Variants in CABLES1 observed in about 807,000 individuals in gnomAD.
CABLES1 encodes Cdk5 and Abl enzyme substrate 1.
Under a neutral mutation model 57.8 loss-of-function variants are expected in CABLES1, and 36 were observed. The ratio of observed to expected loss-of-function variants is 0.62; its 90% confidence interval spans 0.48 to 0.82. The LOEUF is 0.82. CABLES1 is among the 40% of genes least tolerant of loss of function. The probability of loss-of-function intolerance (pLI) is 0.00; values close to 1 mark genes in which losing one functional copy is unlikely to be tolerated. For synonymous variants in CABLES1, 374 were observed against 363.0 expected (o/e 1.03, Z -0.35); for missense variants, 767 against 836.6 (o/e 0.92, Z 1.03).
chr18:23,160,140 C>T (rs1397816177), intron 1 of CABLES1, among the ~76,000 whole-genome samples: 2 of 151,442 alleles, frequency 1.3e-5, no homozygotes, highest in South Asian at 2.1e-4. Context: ...CAGGTTCAAG[C>T]GATTCTCCTG....
At chr18:23,248,716 T>G (rs1429038509) in intron 7 of CABLES1, among the ~76,000 whole-genome samples, 1 of 151,806 alleles carries the variant, frequency 6.6e-6, no homozygotes, top group Non-Finnish European at 1.5e-5. Context: ...TCCCAGCTAC[T>G]TGGGAGGCTG....
At chr18:23,200,117 T>A (rs1183271556) in intron 3 of CABLES1, among the ~76,000 whole-genome samples, 1 of 152,136 alleles carries the variant, frequency 6.6e-6, no homozygotes, top group Non-Finnish European at 1.5e-5. Context: ...TGAATTGTAG[T>A]CATCAGGGCT....
intron 1 of CABLES1, among the ~76,000 whole-genome samples, chr18:23,151,114 G>A (rs1459794620): frequency 6.7e-6 from 1 of 149,846 alleles, no homozygotes; most frequent in Non-Finnish European, 1.5e-5. Flanking sequence ...TGCCTCCTGG[G>A]TTCACGCCCT....
At chr18:23,247,100 A>AT (rs1162452698) in intron 7 of CABLES1, among the ~76,000 whole-genome samples, 3 of 152,224 alleles carry the variant, frequency 2.0e-5, no homozygotes, top group Non-Finnish European at 4.4e-5. Flanking sequence ...GGGCTGTGGT[A>AT]ATCCCACTGC....
chr18:23,150,520 C>G (rs972710428), intron 1 of CABLES1, among the ~76,000 whole-genome samples: 1 of 151,946 alleles, frequency 6.6e-6, no homozygotes, highest in Non-Finnish European at 1.5e-5. Flanking sequence ...CCAGCCAGGT[C>G]GTAGTAGTTT....
At chr18:23,195,757 C>T (rs1049105287) in intron 3 of CABLES1, among the ~76,000 whole-genome samples, 1 of 152,200 alleles carries the variant, frequency 6.6e-6, no homozygotes, top group East Asian at 1.9e-4. Flanking sequence ...CTGAATTTCT[C>T]TCTCTCACCC....
At chr18:23,170,101 G>A (rs1408068556) in intron 1 of CABLES1, among the ~76,000 whole-genome samples, 1 of 152,166 alleles carries the variant, frequency 6.6e-6, no homozygotes, top group Non-Finnish European at 1.5e-5. Flanking sequence ...TAGCAGAGAC[G>A]TTGTTATCCA....
At position 23,222,966 on chromosome 18, in the gene CABLES1, C is replaced by T. The variant is rs759832499; in HGVS notation, c.1088+8912C>T. Among the ~76,000 whole-genome samples, 19 of 152,332 alleles carry T rather than the reference C, an allele frequency of 1.2e-4. No individual in the cohort carries two copies. The East Asian group carries it at 3.3e-3, about 26-fold the overall frequency. Reference sequence around the variant, plus strand: ...CTCCCACCCACTAGCCAGGTGACTCCCCCCGCATTAGCCTCGCAGCCTGTG... The same window carrying T: ...CTCCCACCCACTAGCCAGGTGACTCTCCCCGCATTAGCCTCGCAGCCTGTG... On this transcript the variant is annotated intron_variant, in intron 4 of 9. Coordinates refer to ENST00000256925, the MANE Select transcript of CABLES1 (RefSeq NM_001100619.3).
rs138985605 is a variant in CABLES1 at position 23,186,867 on chromosome 18, A to G, written c.846-1971A>G. Among the ~76,000 whole-genome samples the G allele has an allele frequency of 7.2e-3, 1,095 of 152,294 alleles. 11 individuals carry two copies. The highest frequency in any genetic ancestry group is 0.013 in the South Asian group (62 of 4,826). On this transcript the variant is annotated intron_variant, in intron 1 of 9. Transcript: ENST00000256925. ...GGGGTTTCTGCTGCTGAGATCTGCA[A>G]TGGGCAGATGTGAGTCTCCCCCAGT... is the stretch of plus-strand genomic sequence containing the variant.
At chr18:23,207,179 A>G (rs2047369916) in intron 3 of CABLES1, among the ~76,000 whole-genome samples, 1 of 152,228 alleles carries the variant, frequency 6.6e-6, no homozygotes, top group African/African-American at 2.4e-5. Context: ...GGATTAGGTC[A>G]TATATAAGGG....
At chr18:23,206,742 T>A (rs1410070900) in intron 3 of CABLES1, among the ~76,000 whole-genome samples, 1 of 152,262 alleles carries the variant, frequency 6.6e-6, no homozygotes, top group Non-Finnish European at 1.5e-5. Flanking sequence ...TGTGAATATT[T>A]TTTAAAGCAT....
chr18:23,204,507 T>C (rs1337035294), intron 3 of CABLES1: 1 of 152,222 alleles, frequency 6.6e-6, no homozygotes, highest in African/African-American at 2.4e-5. Context: ...GAGTTGGAAA[T>C]TGTTTCAGAT....
chr18:23,169,013 G>C (rs564952875), intron 1 of CABLES1, among the ~76,000 whole-genome samples: 23 of 152,300 alleles, frequency 1.5e-4, no homozygotes, highest in Admixed American at 3.3e-4. Context: ...ACACAGGTCA[G>C]AAAGACCTTG....
chr18:23,179,479 C>G (rs563571372), intron 1 of CABLES1, among the ~76,000 whole-genome samples: 1 of 152,172 alleles, frequency 6.6e-6, no homozygotes, highest in Non-Finnish European at 1.5e-5. Context: ...AGTTGAGGCT[C>G]GGGGAGGAGG....
chr18:23,157,234 A>C (rs762968466), intron 1 of CABLES1, among the ~76,000 whole-genome samples: 71 of 152,292 alleles, frequency 4.7e-4, no homozygotes, highest in Non-Finnish European at 8.4e-4. Flanking sequence ...TGTTTTATTT[A>C]GAAATACATA....
chr18:23,255,456 A>T (rs1282801484), intron 9 of CABLES1, among the ~76,000 whole-genome samples: 2 of 152,186 alleles, frequency 1.3e-5, no homozygotes, highest in Non-Finnish European at 2.9e-5. Context: ...GTACAAAATC[A>T]TCTAGCTTAT....
chr18:23,188,811 T>C, intron 1 of CABLES1, 27 bp from the exon 2 acceptor site: 1 of 1,572,304 alleles, frequency 6.4e-7, no homozygotes, highest in Non-Finnish European at 8.8e-7. Flanking sequence ...CAGTTTTAAC[T>C]CCCAGATTTT....
At position 23,169,429 on chromosome 18, in the gene CABLES1, T is replaced by C. The variant is rs577905401; in HGVS notation, c.846-19409T>C. On this transcript the variant is annotated intron_variant, in intron 1 of 9. Transcript: ENST00000256925. ...TTTCCAGTAATGTAAGTATGCATGA[T>C]ATGTTATGTCCACTAGGTCCCAGCC... 5.3e-5 allele frequency among the ~76,000 whole-genome samples: 8 copies of C among 152,318 alleles called. No individual in the cohort carries two copies. The South Asian group carries it at 6.2e-4, about 12-fold the overall frequency.
At chr18:23,147,371 T>A (rs1397719211) in intron 1 of CABLES1, among the ~76,000 whole-genome samples, 2 of 152,244 alleles carry the variant, frequency 1.3e-5, no homozygotes, top group African/African-American at 4.8e-5. Context: ...AGTATGGGGA[T>A]AAGGACTCCA....
Sources: gnomAD v4.1 joint callset for allele counts (sites outside exome capture counted in the v4.1 genomes callset) on GRCh38, gnomAD v4.1.1 for gene constraint, MANE v1.5 for transcripts, NCBI Gene and HGNC (gene_info 2026-07-23, HGNC 2026-07-21) for gene names.